ZCWPW2: variants seen among roughly 807,000 people sequenced by gnomAD.
ZCWPW2 encodes zinc finger CW-type and PWWP domain containing 2.
ZCWPW2 carries 45 observed loss-of-function variants against 46.6 expected under a neutral mutation model. The observed-to-expected ratio is 0.96, with a 90% CI of 0.76 to 1.24. The LOEUF (loss-of-function observed/expected upper bound fraction) is 1.24. ZCWPW2 is among the 50% of genes most tolerant of loss of function. The probability of loss-of-function intolerance (pLI) is 0.00; values close to 1 mark genes in which losing one functional copy is unlikely to be tolerated. For missense variants in ZCWPW2, 429 were observed against 403.9 expected, an observed-to-expected ratio of 1.06 and a Z score of -0.53; for synonymous variants, 152 against 137.1, an observed-to-expected ratio of 1.11 and a Z score of -0.76.
At chr3:28,349,575 C>G (rs900649867) in intron 1 of ZCWPW2, among the ~76,000 whole-genome samples, 4 of 152,126 alleles carry the variant, frequency 2.6e-5, no homozygotes, top group Admixed American at 1.3e-4. Context: ...ACTGGAGTTG[C>G]GCCCGGCTTC....
At chr3:28,513,935 ATGT>A in intron 6 of ZCWPW2, 126 bp from the exon 7 acceptor site, 1 of 441,056 alleles carries the variant, frequency 2.3e-6, no homozygotes, top group Non-Finnish European at 3.7e-6. Flanking sequence ...AGACGTAAAG[ATGT>A]TGTTTAGGGT....
chr3:28,520,939 G>A (rs2125839123), intron 8 of ZCWPW2, 53 bp from the exon 9 acceptor site: 1 of 1,598,290 alleles, frequency 6.3e-7, no homozygotes, highest in East Asian at 2.3e-5. Context: ...TTATGAATTA[G>A]ATTGAATTAA....
chr3:28,517,800 G>T (rs1222137506), intron 8 of ZCWPW2, among the ~76,000 whole-genome samples: 1 of 152,132 alleles, frequency 6.6e-6, no homozygotes, highest in Non-Finnish European at 1.5e-5. Context: ...ATCAGGAATG[G>T]AAAAACAACA....
At chr3:28,484,706 C>T (rs982498514) in intron 5 of ZCWPW2, among the ~76,000 whole-genome samples, 2 of 150,664 alleles carry the variant, frequency 1.3e-5, no homozygotes, top group African/African-American at 4.9e-5. Flanking sequence ...CCCTCCCTCC[C>T]TTCTTCCCTT....
rs964203875 is a variant in ZCWPW2, at chr3:28,515,743, G to A, written c.784+122G>A. ...TGTGTGTGTGTGTGTGTGTGTGTGT[G>A]TGTATACACATATATACATGTGCGT... is the stretch of plus-strand genomic sequence containing the variant. On this transcript the variant is annotated intron_variant, in intron 8 of 9. Transcript: ENST00000383768. The A allele has an allele frequency of 2.2e-4, 161 of 723,844 alleles. 2 individuals are homozygous for A. Among genetic ancestry groups the A allele is most frequent in the African/African-American group, 8.9e-4 (45 of 50,534 alleles). 44.8% of individuals were successfully genotyped at this position (723,844 alleles called of 1,614,324 possible).
chr3:28,482,277 C>G (rs780776678), intron 5 of ZCWPW2, among the ~76,000 whole-genome samples: 1 of 152,120 alleles, frequency 6.6e-6, no homozygotes, highest in African/African-American at 2.4e-5. Flanking sequence ...TGGTTTCTTT[C>G]TCTTAGTAAT....
At chr3:28,484,587 A>G (rs1268109025) in intron 5 of ZCWPW2, among the ~76,000 whole-genome samples, 1 of 151,730 alleles carries the variant, frequency 6.6e-6, no homozygotes, top group Non-Finnish European at 1.5e-5. Context: ...ATGTTCCTTT[A>G]TTTTCTTTTA....
At chr3:28,505,663 CT>C (rs1700256079) in intron 6 of ZCWPW2, among the ~76,000 whole-genome samples, 1 of 152,026 alleles carries the variant, frequency 6.6e-6, no homozygotes, top group South Asian at 2.1e-4. Flanking sequence ...AGGATATTGG[CT>C]TTTTCTTTTA....
chr3:28,350,410 A>C (rs1704501203), intron 1 of ZCWPW2, among the ~76,000 whole-genome samples: 2 of 152,350 alleles, frequency 1.3e-5, no homozygotes, highest in South Asian at 2.1e-4. Context: ...AAAATGTCAT[A>C]AATCAGTATT....
rs184913655 is a variant in ZCWPW2 at position 28,368,114 on chromosome 3, G to A, written c.-134+18911G>A. Reference sequence around the variant, plus strand: ...GTCTTTATCCAATTTGCCAGTCTGTGTCTTTTAACTGGAGCATTTAGTCCA... The same window carrying A: ...GTCTTTATCCAATTTGCCAGTCTGTATCTTTTAACTGGAGCATTTAGTCCA... On this transcript the variant is annotated intron_variant, in intron 1 of 9. Transcript: ENST00000383768. Among the ~76,000 whole-genome samples, 438 of 152,258 alleles carry A rather than the reference G, an allele frequency of 2.9e-3. 5 individuals carry two copies. The highest frequency in any genetic ancestry group is 9.8e-3 in the African/African-American group (408 of 41,536).
Position 28,517,007 on chromosome 3 carries a change from T to A in ZCWPW2, c.784+1386T>A, listed in dbSNP as rs1048126752. On this transcript the variant is annotated intron_variant, in intron 8 of 9. Transcript: ENST00000383768. ...ACTCTGGGTTACAGAAAGGATGAAG[T>A]AGTTATTTTTAAAAAATAACTTCTT... is the stretch of plus-strand genomic sequence containing the variant. 3.3e-5 allele frequency among the ~76,000 whole-genome samples: 5 copies of A among 152,322 alleles called. No homozygotes were observed. The East Asian group carries it at 7.7e-4, about 24-fold the overall frequency.
At chr3:28,372,858 A>G (rs535872959) in intron 1 of ZCWPW2, among the ~76,000 whole-genome samples, 5 of 152,308 alleles carry the variant, frequency 3.3e-5, no homozygotes, top group African/African-American at 1.2e-4. Flanking sequence ...TGTCACTTAC[A>G]AGCGAGAACT....
chr3:28,396,885 T>G (rs923618999), intron 2 of ZCWPW2, among the ~76,000 whole-genome samples: 1 of 152,204 alleles, frequency 6.6e-6, no homozygotes, highest in African/African-American at 2.4e-5. Context: ...TCCCAGCACT[T>G]TTGGAGGCTG....
chr3:28,362,702 A>G (rs938639740), intron 1 of ZCWPW2, among the ~76,000 whole-genome samples: 1 of 152,196 alleles, frequency 6.6e-6, no homozygotes, highest in Admixed American at 6.5e-5. Flanking sequence ...CTACTGTTTA[A>G]CCTAGCAATC....
In ZCWPW2 at chr3:28,475,008, A is replaced by T. The variant is rs112576822; in HGVS notation, c.493-3806A>T. 7.5e-3 allele frequency among the ~76,000 whole-genome samples: 1,130 copies of T among 151,168 alleles called. 19 individuals carry two copies. Among genetic ancestry groups the T allele is most frequent in the African/African-American group, 0.026 (1,088 of 41,180 alleles). ...CACGCCCGGCTAACTTTTTATTATT[A>T]TTTTTTTTATTTTTTAGTAGAGGCA... is the stretch of plus-strand genomic sequence containing the variant. On this transcript the variant is annotated intron_variant, in intron 4 of 9. Transcript: ENST00000383768.
At chr3:28,417,688 C>G (rs1696659940) in intron 3 of ZCWPW2, among the ~76,000 whole-genome samples, 1 of 123,712 alleles carries the variant, frequency 8.1e-6, no homozygotes, top group Non-Finnish European at 1.7e-5. Flanking sequence ...GGCTTCATCC[C>G]TGGGATGCAA....
intron 1 of ZCWPW2, among the ~76,000 whole-genome samples, chr3:28,373,355 G>T (rs1213105434): frequency 6.6e-6 from 1 of 152,098 alleles, no homozygotes; most frequent in Non-Finnish European, 1.5e-5. Context: ...CATTTTTACT[G>T]GGGTGGGATG....
At chr3:28,471,969 A>G (rs988902774) in intron 4 of ZCWPW2, among the ~76,000 whole-genome samples, 3 of 152,170 alleles carry the variant, frequency 2.0e-5, no homozygotes, top group Non-Finnish European at 4.4e-5. Context: ...CAGTAATACC[A>G]TTTATATTAG....
At chr3:28,366,435 T>C (rs2125697586) in intron 1 of ZCWPW2, among the ~76,000 whole-genome samples, 1 of 110,468 alleles carries the variant, frequency 9.1e-6, no homozygotes, top group South Asian at 3.5e-4. Context: ...GTTTATATGC[T>C]GGATTATGTT....
Sources: allele counts gnomAD v4.1 joint callset (sites outside exome capture counted in the v4.1 genomes callset), GRCh38; gene constraint gnomAD v4.1.1; transcripts MANE v1.5; gene names NCBI Gene and HGNC (gene_info 2026-07-23, HGNC 2026-07-21).